The following TNIK variants were observed in gnomAD, a reference collection of about 807,000 sequenced individuals.
The protein encoded by TNIK is TRAF2 and NCK-interacting protein kinase.
Under a neutral mutation model 191.3 loss-of-function variants are expected in TNIK, and 49 were observed. The observed-to-expected ratio is 0.26, with a 90% CI of 0.20 to 0.32. The LOEUF is 0.32. Among genes scored for constraint, TNIK ranks in the 10% least tolerant of loss-of-function variants. The probability of loss-of-function intolerance (pLI) is 1.00; values close to 1 mark genes in which losing one functional copy is unlikely to be tolerated. For missense variants in TNIK, 1,155 were observed against 1,702.3 expected, an observed-to-expected ratio of 0.68 and a Z score of 5.66; for synonymous variants, 594 against 600.9, an observed-to-expected ratio of 0.99 and a Z score of 0.17.
At chr3:171,080,561 C>G (rs1281782262) in intron 27 of TNIK, among the ~76,000 whole-genome samples, 2 of 151,986 alleles carry the variant, frequency 1.3e-5, no homozygotes, top group Non-Finnish European at 2.9e-5. Context: ...CTCAGCCTCC[C>G]AAGTAGCTAG....
At chr3:171,133,343 A>G (rs1729571237) in intron 15 of TNIK, among the ~76,000 whole-genome samples, 1 of 152,242 alleles carries the variant, frequency 6.6e-6, no homozygotes. Flanking sequence ...GTGAAGAGAT[A>G]GGCGACGCCA....
At chr3:171,273,528 T>A (rs1365519351) in intron 2 of TNIK, among the ~76,000 whole-genome samples, 1 of 152,208 alleles carries the variant, frequency 6.6e-6, no homozygotes, top group East Asian at 1.9e-4. Context: ...GGTACTATGA[T>A]CTCTCACTTG....
chr3:171,327,928 A>AAAAAAAAAAAAAAAAAAC (rs1560433753), intron 2 of TNIK, among the ~76,000 whole-genome samples: 1 of 129,466 alleles, frequency 7.7e-6, no homozygotes, highest in African/African-American at 3.2e-5. Flanking sequence ...AAAAAAAAAA[A>AAAAAAAAAAAAAAAAAAC]AAATCACTTG....
intron 2 of TNIK, among the ~76,000 whole-genome samples, chr3:171,332,453 A>G (rs1756504557): frequency 6.6e-6 from 1 of 152,240 alleles, no homozygotes; most frequent in Non-Finnish European, 1.5e-5. Flanking sequence ...CTTAAAGAGC[A>G]TGCATCACCC....
rs1434358212 is a variant in TNIK at position 171,128,812 on chromosome 3, T to C, written c.1675A>G (p.Ile559Val). The change falls in exon 16 of 33, where the codon ATA becomes GTA. Residue 559 changes from isoleucine (I) to valine (V), a missense_variant. Transcript: ENST00000436636. ...CTTGGGGGCAGGTTGGGGTCAGATA[T>C]CCTGTTGGCAACCTTGTGAGGCATG... ...PAMPHKVANR[I>V]SDPNLPPRSE... 3 of 1,603,424 alleles carry C rather than the reference T, an allele frequency of 1.9e-6. No individual in the cohort carries two copies. Among genetic ancestry groups the C allele is most frequent in the East Asian group, 4.5e-5 (2 of 44,594 alleles).
At chr3:171,435,581 GT>G (rs569224177) in intron 1 of TNIK, among the ~76,000 whole-genome samples, 40 of 152,122 alleles carry the variant, frequency 2.6e-4, no homozygotes, top group Non-Finnish European at 5.0e-4. Flanking sequence ...TTTTTGCTTT[GT>G]TTTTTAATCA....
chr3:171,085,321 C>T (rs769370419), intron 24 of TNIK, 92 bp from the exon 25 acceptor site: 60 of 1,228,108 alleles, frequency 4.9e-5, no homozygotes, highest in Non-Finnish European at 6.2e-5. Flanking sequence ...AAAACGATCA[C>T]AGATTCTTCA....
intron 7 of TNIK, among the ~76,000 whole-genome samples, chr3:171,187,235 G>A (rs1737475282): frequency 6.6e-6 from 1 of 152,142 alleles, no homozygotes; most frequent in Non-Finnish European, 1.5e-5. Flanking sequence ...TTTTGTAGTG[G>A]CTTCTCTGAA....
At chr3:171,371,565 G>A (rs900179739) in intron 1 of TNIK, among the ~76,000 whole-genome samples, 8 of 152,134 alleles carry the variant, frequency 5.3e-5, no homozygotes, top group African/African-American at 1.9e-4. Context: ...ACCTGGTCTG[G>A]GAGGTGTGGT....
intron 2 of TNIK, among the ~76,000 whole-genome samples, chr3:171,288,547 G>A (rs1289101387): frequency 1.3e-5 from 2 of 151,238 alleles, no homozygotes; most frequent in South Asian, 4.2e-4. Flanking sequence ...GGTGGCTCAC[G>A]CCTGTAATCC....
chr3:171,202,333 T>C (rs1188951432), intron 4 of TNIK, among the ~76,000 whole-genome samples: 1 of 152,038 alleles, frequency 6.6e-6, no homozygotes, highest in African/African-American at 2.4e-5. Context: ...TACACCCAAA[T>C]AGAAGAATGT....
chr3:171,442,591 G>A (rs1463463406), intron 1 of TNIK, among the ~76,000 whole-genome samples: 3 of 152,176 alleles, frequency 2.0e-5, no homozygotes, highest in East Asian at 1.9e-4. Flanking sequence ...GAATGTCTAC[G>A]ATTTCCTCTC....
At chr3:171,158,518 G>A (rs1342325644) in intron 11 of TNIK, among the ~76,000 whole-genome samples, 1 of 152,176 alleles carries the variant, frequency 6.6e-6, no homozygotes, top group African/African-American at 2.4e-5. Context: ...CAGCCTAAGA[G>A]GGAGCTAAGA....
At chr3:171,140,620 G>T in intron 12 of TNIK, 111 bp from the exon 13 acceptor site, 3 of 891,968 alleles carry the variant, frequency 3.4e-6, no homozygotes, top group East Asian at 2.4e-5. Flanking sequence ...AATGAGATAT[G>T]CCTAAATGCT....
At chr3:171,168,734 G>A (rs1734922443) in intron 9 of TNIK, among the ~76,000 whole-genome samples, 1 of 152,220 alleles carries the variant, frequency 6.6e-6, no homozygotes, top group African/African-American at 2.4e-5. Context: ...AGGACACTCT[G>A]TGCACCTCCT....
chr3:171,172,664 A>G (rs1353851449), intron 9 of TNIK, among the ~76,000 whole-genome samples: 1 of 152,160 alleles, frequency 6.6e-6, no homozygotes, highest in Non-Finnish European at 1.5e-5. Context: ...CGAAGTGTGA[A>G]ATGGCACATT....
At chr3:171,082,013 A>G (rs529983298) in intron 27 of TNIK, among the ~76,000 whole-genome samples, 95 of 152,318 alleles carry the variant, frequency 6.2e-4, no homozygotes, top group African/African-American at 2.0e-3. Flanking sequence ...CTATAAATAT[A>G]TAGCCTTTGT....
At chr3:171,180,701 A>C (rs1423915802) in intron 7 of TNIK, among the ~76,000 whole-genome samples, 1 of 152,228 alleles carries the variant, frequency 6.6e-6, no homozygotes, top group Non-Finnish European at 1.5e-5. Flanking sequence ...ACCCAAGATC[A>C]AAGAGCAACT....
chr3:171,385,443 T>A, intron 1 of TNIK, among the ~76,000 whole-genome samples: 1 of 152,114 alleles, frequency 6.6e-6, no homozygotes, highest in East Asian at 1.9e-4. Flanking sequence ...GGAACCTCCA[T>A]CATCCATTTC....
Sources: gnomAD v4.1 joint callset for allele counts (sites outside exome capture counted in the v4.1 genomes callset) on GRCh38, gnomAD v4.1.1 for gene constraint, MANE v1.5 for transcripts, NCBI Gene and HGNC (gene_info 2026-07-23, HGNC 2026-07-21) for gene names.